Variants in STK3 observed in about 807,000 individuals in gnomAD.
STK3 encodes the protein serine/threonine kinase 3, also known as serine/threonine-protein kinase 3.
STK3 carries 41 observed loss-of-function variants against 58.0 expected under a neutral mutation model. The observed-to-expected ratio is 0.71, with a 90% CI of 0.55 to 0.92. The LOEUF (loss-of-function observed/expected upper bound fraction) is 0.92, where lower values mean the gene tolerates loss of function less well. Ranked by LOEUF, STK3 falls within the 40% of genes least tolerant of loss-of-function variation. The pLI is 0.00. For synonymous variants in STK3, 170 were observed against 191.0 expected, an observed-to-expected ratio of 0.89 and a Z score of 0.91; for missense variants, 479 against 602.7, an observed-to-expected ratio of 0.79 and a Z score of 2.15.
chr8:98,763,638 G>A (rs903585073), intron 3 of STK3, among the ~76,000 whole-genome samples: 1 of 151,340 alleles, frequency 6.6e-6, no homozygotes, highest in South Asian at 2.1e-4. Context: ...TAAAATCTAA[G>A]TTTCTCCCTG....
At chr8:98,462,605 A>G (rs1820086295) in intron 10 of STK3, among the ~76,000 whole-genome samples, 2 of 152,010 alleles carry the variant, frequency 1.3e-5, no homozygotes, top group African/African-American at 2.4e-5. Flanking sequence ...TAAGCTACAT[A>G]TATCGCTAGG....
intron 3 of STK3, among the ~76,000 whole-genome samples, chr8:98,850,138 TA>T (rs879826841): frequency 3.9e-5 from 6 of 152,132 alleles, no homozygotes; most frequent in Non-Finnish European, 7.4e-5. Context: ...TGTGTAGATT[TA>T]AAAAAATGAT....
At chr8:98,694,559 T>C (rs192051165) in intron 6 of STK3, among the ~76,000 whole-genome samples, 11 of 152,302 alleles carry the variant, frequency 7.2e-5, no homozygotes, top group Non-Finnish European at 1.6e-4. Context: ...GTCCATATGT[T>C]CTCATTGTTC....
chr8:98,583,647 T>A (rs1814140706), intron 7 of STK3, among the ~76,000 whole-genome samples: 2 of 152,210 alleles, frequency 1.3e-5, no homozygotes, highest in African/African-American at 4.8e-5. Flanking sequence ...TTTTCAAGGT[T>A]ATTTCCTTGA....
chr8:98,431,432 T>C (rs932776248), intron 3 of STK3: 1 of 167,066 alleles, frequency 6.0e-6, no homozygotes, highest in African/African-American at 2.4e-5. Context: ...TTTTTCAGAA[T>C]TTGCACATGG....
downstream of STK3, chr8:98,880,323 A>AT: frequency 6.6e-6 from 1 of 152,316 alleles, no homozygotes; most frequent in East Asian, 1.9e-4. Flanking sequence ...AAAGTAAGAA[A>AT]TGTGCATTAA....
intron 4 of STK3, among the ~76,000 whole-genome samples, chr8:98,712,041 T>A (rs1275200100): frequency 6.6e-6 from 1 of 152,100 alleles, no homozygotes; most frequent in Admixed American, 6.6e-5. Context: ...CTAAGCTTCA[T>A]AAGTGAAGGA....
At chr8:98,866,286 T>G (rs1280486245) in intron 3 of STK3, among the ~76,000 whole-genome samples, 1 of 152,224 alleles carries the variant, frequency 6.6e-6, no homozygotes, top group African/African-American at 2.4e-5. Context: ...AAGCCTCTTA[T>G]GTCTAGGGCT....
intron 8 of STK3, among the ~76,000 whole-genome samples, chr8:98,569,933 G>C (rs1393698748): frequency 2.7e-5 from 4 of 148,678 alleles, no homozygotes; most frequent in Non-Finnish European, 5.9e-5. Context: ...GTGTGTGTGT[G>C]TATGTATATT....
At chr8:98,523,606 C>T (rs1825541488) in intron 10 of STK3, among the ~76,000 whole-genome samples, 1 of 152,038 alleles carries the variant, frequency 6.6e-6, no homozygotes, top group Non-Finnish European at 1.5e-5. Context: ...AACTCCTGAC[C>T]TCAGGTGATC....
At chr8:98,460,825 A>G (rs528733759) in intron 10 of STK3, among the ~76,000 whole-genome samples, 5 of 152,346 alleles carry the variant, frequency 3.3e-5, no homozygotes, top group East Asian at 1.9e-4. Context: ...TGCCATGATT[A>G]TAAGTTTCCT....
intron 10 of STK3, among the ~76,000 whole-genome samples, chr8:98,488,716 TA>T (rs1457916418): frequency 6.6e-6 from 1 of 152,160 alleles, no homozygotes; most frequent in Non-Finnish European, 1.5e-5. Context: ...GACACAGTCC[TA>T]AAAATAACAG....
intron 10 of STK3, among the ~76,000 whole-genome samples, chr8:98,505,973 C>T (rs1222990496): frequency 2.0e-5 from 3 of 152,240 alleles, no homozygotes; most frequent in African/African-American, 7.2e-5. Context: ...GTTTCTGCTG[C>T]CTTTTGTTCA....
At chr8:98,913,130 G>GAAAA (rs1564100464) in intron 1 of STK3, among the ~76,000 whole-genome samples, 1 of 119,744 alleles carries the variant, frequency 8.4e-6, no homozygotes, top group Non-Finnish European at 1.8e-5. Context: ...CACATAAATG[G>GAAAA]CAAAAAAAAA....
intron 8 of STK3, among the ~76,000 whole-genome samples, chr8:98,576,027 T>C (rs1813368998): frequency 6.6e-6 from 1 of 152,182 alleles, no homozygotes; most frequent in African/African-American, 2.4e-5. Context: ...AGCTCTTACA[T>C]GTAGGGTGTT....
At chr8:98,875,469 A>G (rs1587787188) in intron 3 of STK3, 2 of 152,338 alleles carry the variant, frequency 1.3e-5, no homozygotes, top group Admixed American at 1.3e-4. Flanking sequence ...CTGTTTTTTA[A>G]ACACAAGCAT....
upstream of STK3, among the ~76,000 whole-genome samples, chr8:98,827,878 C>T (rs1234626505): frequency 1.3e-5 from 2 of 152,026 alleles, no homozygotes; most frequent in Non-Finnish European, 2.9e-5. Context: ...AGGACAACAA[C>T]AATTTTAAAA....
intron 4 of STK3, among the ~76,000 whole-genome samples, chr8:98,727,037 T>C (rs370325947): frequency 6.6e-6 from 1 of 152,332 alleles, no homozygotes; most frequent in African/African-American, 2.4e-5. Context: ...TCATTTGCTC[T>C]TCTCCTGCTA....
At chr8:98,417,577 G>T (rs1259370389) in intron 3 of STK3, among the ~76,000 whole-genome samples, 1 of 152,098 alleles carries the variant, frequency 6.6e-6, no homozygotes, top group Non-Finnish European at 1.5e-5. Flanking sequence ...GTTTTGCCTT[G>T]AATCCTGGCT....
Sources: gnomAD v4.1 joint callset for allele counts (sites outside exome capture counted in the v4.1 genomes callset) on GRCh38, gnomAD v4.1.1 for gene constraint, MANE v1.5 for transcripts, NCBI Gene and HGNC (gene_info 2026-07-23, HGNC 2026-07-21) for gene names.